Variants in CALCR observed in about 807,000 individuals in gnomAD.
CALCR encodes the protein calcitonin receptor.
A neutral mutation model predicts 59.5 loss-of-function variants in CALCR; 47 were observed. The observed-to-expected ratio is 0.79, with a 90% confidence interval of 0.63 to 1.01. CALCR has a LOEUF of 1.01. Among genes scored for constraint, CALCR ranks in the 50% least tolerant of loss-of-function variants. CALCR has a pLI of 0.00. For synonymous variants in CALCR, 213 were observed against 211.3 expected (o/e 1.01, Z -0.07); for missense variants, 566 against 597.1 (o/e 0.95, Z 0.54).
At position 93,438,124 on chromosome 7, in the gene CALCR, C is replaced by T. The variant is rs1425240171; in HGVS notation, c.866G>A (p.Cys289Tyr). Residue 289 changes from cysteine (C) to tyrosine (Y), a missense_variant and splice_region_variant, in exon 11 of 14, where the codon TGC (cysteine) becomes TAC (tyrosine). Transcript: ENST00000426151. ...CAAATGGGTTTCCACACTCAGCCAG[C>T]AGCTGAAAAAGGGCAAGGGGACAAT... ...ITRAVYFNDN[C>Y]WLSVETHLLY... 4 of 1,613,670 alleles carry T rather than the reference C, an allele frequency of 2.5e-6. No individual in the cohort carries two copies. The African/African-American group carries it at 5.3e-5, about 22-fold the overall frequency.
intron 13 of CALCR, among the ~76,000 whole-genome samples, chr7:93,432,591 G>A (rs777608045): frequency 2.2e-4 from 34 of 152,108 alleles, no homozygotes; most frequent in Non-Finnish European, 4.7e-4. Context: ...AAATGAACTC[G>A]AGACATTCAA....
chr7:93,564,705 C>T (rs1048474399), intron 2 of CALCR, among the ~76,000 whole-genome samples: 8 of 152,102 alleles, frequency 5.3e-5, no homozygotes, highest in Middle Eastern at 3.4e-3. Context: ...CCACCTGCCT[C>T]AGCCTCCCAA....
chr7:93,543,827 A>C (rs868695889), intron 2 of CALCR, among the ~76,000 whole-genome samples: 1 of 152,114 alleles, frequency 6.6e-6, no homozygotes, highest in Admixed American at 6.5e-5. Context: ...TGTTAAAGCT[A>C]TCATATTTAA....
chr7:93,548,681 A>AAC (rs1554407532), intron 2 of CALCR, among the ~76,000 whole-genome samples: 1 of 151,346 alleles, frequency 6.6e-6, no homozygotes, highest in African/African-American at 2.4e-5. Context: ...GAAAAAAAAA[A>AAC]CCCAAAACAA....
intron 3 of CALCR, among the ~76,000 whole-genome samples, chr7:93,484,354 T>C (rs988666808): frequency 2.0e-5 from 3 of 151,730 alleles, no homozygotes; most frequent in Admixed American, 6.6e-5. Context: ...AAATGGTCCA[T>C]CTCTGCAATA....
chr7:93,514,456 G>T (rs1801610583), intron 2 of CALCR, among the ~76,000 whole-genome samples: 1 of 151,814 alleles, frequency 6.6e-6, no homozygotes, highest in African/African-American at 2.4e-5. Flanking sequence ...TAAATAATTT[G>T]TTGTTATGAA....
chr7:93,429,778 C>T (rs762714018), intron 13 of CALCR, among the ~76,000 whole-genome samples: 9 of 151,528 alleles, frequency 5.9e-5, no homozygotes, highest in Non-Finnish European at 1.2e-4. Context: ...AAGATTGTAA[C>T]GCCCACTCCT....
Position 93,483,750 on chromosome 7 carries a change from T to G in CALCR, c.51+3181A>C, listed in dbSNP as rs1445528567. Among the ~76,000 whole-genome samples the G allele has an allele frequency of 2.6e-5, 4 of 151,852 alleles. No individual in the cohort carries two copies. In the East Asian group the frequency reaches 7.8e-4, roughly 30 times the overall value. On this transcript the variant is annotated intron_variant, in intron 3 of 13. Coordinates refer to ENST00000426151, the MANE Select transcript of CALCR (RefSeq NM_001742.4). Reference sequence around the variant, plus strand: ...AATATCCTACTTATTATAAGTGTTATGTCTATACTACTTATTTCAGGGGGT... The same window carrying G: ...AATATCCTACTTATTATAAGTGTTAGGTCTATACTACTTATTTCAGGGGGT...
At chr7:93,532,305 G>T (rs1426919713) in intron 2 of CALCR, among the ~76,000 whole-genome samples, 1 of 152,042 alleles carries the variant, frequency 6.6e-6, no homozygotes, top group African/African-American at 2.4e-5. Context: ...CTCCAAGAGT[G>T]TAACAGTGCT....
At chr7:93,569,363 G>A (rs1231160995) in intron 2 of CALCR, among the ~76,000 whole-genome samples, 2 of 152,086 alleles carry the variant, frequency 1.3e-5, no homozygotes, top group Non-Finnish European at 2.9e-5. Context: ...CTTTAACCCT[G>A]CTGGGGCAAC....
intron 13 of CALCR, among the ~76,000 whole-genome samples, chr7:93,432,037 C>G (rs938315417): frequency 6.6e-6 from 1 of 152,092 alleles, no homozygotes; most frequent in Admixed American, 6.6e-5. Flanking sequence ...TCTCATGGTC[C>G]TCTCCTGATT....
chr7:93,448,208 C>T (rs1466960870), intron 8 of CALCR, among the ~76,000 whole-genome samples: 1 of 151,970 alleles, frequency 6.6e-6, no homozygotes, highest in Non-Finnish European at 1.5e-5. Context: ...ACACAAAAAA[C>T]TACTGCAATT....
intron 3 of CALCR, among the ~76,000 whole-genome samples, chr7:93,483,201 C>A (rs138896123): frequency 6.6e-6 from 1 of 151,690 alleles, no homozygotes; most frequent in Admixed American, 6.6e-5. Context: ...CTATGTACAT[C>A]CTCCTGTATT....
intron 12 of CALCR, 134 bp downstream of exon 12, chr7:93,435,818 A>C: frequency 4.0e-6 from 1 of 251,984 alleles, no homozygotes; most frequent in African/African-American, 3.9e-5. Flanking sequence ...AAAAAATAAA[A>C]TAAAATAATA....
chr7:93,554,024 AGTTT>A (rs749364951), intron 2 of CALCR, among the ~76,000 whole-genome samples: 2 of 152,286 alleles, frequency 1.3e-5, no homozygotes, highest in Middle Eastern at 3.4e-3. Context: ...TGCTTTTGTT[AGTTT>A]GTTTAAGAAA....
intron 8 of CALCR, among the ~76,000 whole-genome samples, chr7:93,459,163 A>G (rs1406955508): frequency 2.0e-5 from 3 of 152,228 alleles, no homozygotes; most frequent in Non-Finnish European, 2.9e-5. Flanking sequence ...ACTTGGTATC[A>G]CAGCACCAAA....
At chr7:93,567,037 G>T (rs1442796581) in intron 2 of CALCR, among the ~76,000 whole-genome samples, 1 of 152,206 alleles carries the variant, frequency 6.6e-6, no homozygotes, top group Non-Finnish European at 1.5e-5. Context: ...GTATGACTTT[G>T]TGATTAAGAG....
chr7:93,467,877 A>G (rs1297473098), intron 7 of CALCR, among the ~76,000 whole-genome samples: 2 of 151,574 alleles, frequency 1.3e-5, no homozygotes, highest in African/African-American at 4.8e-5. Flanking sequence ...GGCACCTTAC[A>G]TGTATTATTT....
intron 2 of CALCR, among the ~76,000 whole-genome samples, chr7:93,570,844 A>T (rs1031384955): frequency 6.6e-6 from 1 of 152,186 alleles, no homozygotes; most frequent in Non-Finnish European, 1.5e-5. Context: ...TCTTAAAAAC[A>T]AAACCAAAAC....
Sources: gnomAD v4.1 joint callset for allele counts (sites outside exome capture counted in the v4.1 genomes callset) on GRCh38, gnomAD v4.1.1 for gene constraint, MANE v1.5 for transcripts, NCBI Gene and HGNC (gene_info 2026-07-23, HGNC 2026-07-21) for gene names.